The following WDFY4 variants were observed in gnomAD, a reference collection of about 807,000 sequenced individuals.
The protein encoded by WDFY4 is WD repeat- and FYVE domain-containing protein 4.
In WDFY4, 169 loss-of-function variants were observed where a neutral mutation model predicts 351.9. That is an observed-to-expected ratio of 0.48 (90% CI 0.42 to 0.55). The LOEUF (loss-of-function observed/expected upper bound fraction) is 0.55, where lower values mean the gene tolerates loss of function less well. Among genes scored for constraint, WDFY4 ranks in the 20% least tolerant of loss-of-function variants. WDFY4 has a pLI of 0.00. For synonymous variants in WDFY4, 1,622 were observed against 1,574.6 expected (o/e 1.03, Z -0.71); for missense variants, 3,803 against 3,935.6 (o/e 0.97, Z 0.90).
intron 13 of WDFY4, among the ~76,000 whole-genome samples, chr10:48,765,505 T>C (rs1377610858): frequency 6.6e-6 from 1 of 152,244 alleles, no homozygotes; most frequent in African/African-American, 2.4e-5. Flanking sequence ...ACACACTTGC[T>C]AAATGGTGCA....
At chr10:48,827,148 T>C (rs965669316) in intron 36 of WDFY4, among the ~76,000 whole-genome samples, 1 of 152,152 alleles carries the variant, frequency 6.6e-6, no homozygotes, top group Non-Finnish European at 1.5e-5. Context: ...AATTCTAGGA[T>C]TGTAAGATAA....
intron 1 of WDFY4, among the ~76,000 whole-genome samples, chr10:48,685,909 G>T (rs76405344): frequency 4.0e-5 from 6 of 151,816 alleles, no homozygotes; most frequent in African/African-American, 1.5e-4. Context: ...AGCAGGTAGG[G>T]TGGGGGTCTT....
chr10:48,722,706 A>G (rs553568091), intron 4 of WDFY4, among the ~76,000 whole-genome samples: 143 of 152,320 alleles, frequency 9.4e-4, no homozygotes, highest in African/African-American at 3.2e-3. Flanking sequence ...ATGCACACAC[A>G]CACACGTGCG....
chr10:48,792,923 A>T (rs988982301), intron 23 of WDFY4, among the ~76,000 whole-genome samples: 1 of 152,144 alleles, frequency 6.6e-6, no homozygotes, highest in Non-Finnish European at 1.5e-5. Flanking sequence ...AAATGAGAAC[A>T]TTGCCTTGAG....
At chr10:48,837,682 G>A (rs1424396443) in intron 39 of WDFY4, among the ~76,000 whole-genome samples, 1 of 152,154 alleles carries the variant, frequency 6.6e-6, no homozygotes, top group Non-Finnish European at 1.5e-5. Flanking sequence ...TGGCTCTGTG[G>A]GATTCCACAG....
chr10:48,812,489 C>T (rs921921219), intron 30 of WDFY4, among the ~76,000 whole-genome samples: 5 of 152,074 alleles, frequency 3.3e-5, no homozygotes, highest in Admixed American at 3.3e-4. Context: ...CGCACCCGGC[C>T]CCCTTTCTTC....
At chr10:48,694,407 C>T (rs2063276631) in intron 1 of WDFY4, among the ~76,000 whole-genome samples, 1 of 152,126 alleles carries the variant, frequency 6.6e-6, no homozygotes, top group Non-Finnish European at 1.5e-5. Flanking sequence ...CTTATTTCTA[C>T]TTCCCTCCTA....
chr10:48,820,546 G>A (rs1565236177), intron 33 of WDFY4, 109 bp downstream of exon 33: 15 of 1,178,546 alleles, frequency 1.3e-5, no homozygotes, highest in South Asian at 1.5e-5. Context: ...GGGCCACAGC[G>A]AGTGAAGGGG....
intron 40 of WDFY4, among the ~76,000 whole-genome samples, chr10:48,869,027 G>T (rs1459314865): frequency 6.6e-6 from 1 of 152,154 alleles, no homozygotes; most frequent in Non-Finnish European, 1.5e-5. Context: ...AGGTATTTTT[G>T]AGAAAATCAG....
intron 13 of WDFY4, among the ~76,000 whole-genome samples, chr10:48,770,094 C>T (rs866898586): frequency 9.2e-5 from 14 of 152,148 alleles, no homozygotes; most frequent in African/African-American, 2.9e-4. Flanking sequence ...CTGGAACTAA[C>T]GTTGAAAAAA....
chr10:48,786,717 G>A lies in WDFY4; in HGVS notation c.3655G>A (p.Ala1219Thr). 2 of 1,552,202 alleles carry A rather than the reference G, an allele frequency of 1.3e-6. No homozygotes were observed. Among genetic ancestry groups the A allele is most frequent in the Non-Finnish European group, 1.7e-6 (2 of 1,147,114 alleles). ...ATTTGTGGATGTTTATGGATATATT[G>A]CTACTCCTCGAGTCTGGAAACAAAA... ...SAFVDVYGYI[A>T]TPRVWKQKSS... The change falls in exon 20 of 62, where the codon GCT becomes ACT. Residue 1219 changes from alanine (A) to threonine (T), a missense_variant. Around this residue, in one of 3 missense-constraint regions of WDFY4, gnomAD observed 3,054 missense variants for 3,148.6 expected, o/e 0.97. Coordinates refer to ENST00000325239, the MANE Select transcript of WDFY4 (RefSeq NM_001394531.1).
intron 1 of WDFY4, among the ~76,000 whole-genome samples, chr10:48,701,923 T>A (rs2063490684): frequency 6.6e-6 from 1 of 152,230 alleles, no homozygotes; most frequent in Non-Finnish European, 1.5e-5. Context: ...CCATCCCCAC[T>A]GTACAGGATA....
chr10:48,803,116 A>G (rs1044100702), intron 24 of WDFY4, among the ~76,000 whole-genome samples, 170 bp from the exon 25 acceptor site: 2 of 152,100 alleles, frequency 1.3e-5, no homozygotes, highest in African/African-American at 4.8e-5. Flanking sequence ...CAGGGGAGGC[A>G]CCTCTCTGCT....
chr10:48,744,310 A>G (rs2064945416), intron 12 of WDFY4, among the ~76,000 whole-genome samples: 1 of 152,178 alleles, frequency 6.6e-6, no homozygotes, highest in South Asian at 2.1e-4. Flanking sequence ...AAGACACTGC[A>G]TTTTTATCCA....
chr10:48,818,976 G>T (rs1203615969), intron 32 of WDFY4, among the ~76,000 whole-genome samples: 1 of 152,164 alleles, frequency 6.6e-6, no homozygotes, highest in Non-Finnish European at 1.5e-5. Context: ...GGGTCCAGCG[G>T]CCTAACATTC....
Position 48,832,611 on chromosome 10 carries a change from G to A in WDFY4, c.6565G>A (p.Ala2189Thr). The A allele has an allele frequency of 6.5e-7, 1 of 1,550,300 alleles. No homozygotes were observed. The highest frequency in any genetic ancestry group is 1.2e-5 in the South Asian group (1 of 83,482). ...GTCACTGGCAAGTCGTTCAAATGTT[G>A]CACACCACAGCAAAGTCACTTTGTG... The part of the protein sequence containing the change: ...KKSLASRSNV[A>T]HHSKVTLWSG... Residue 2189 changes from alanine to threonine, a missense_variant, in exon 39 of 62, where the codon GCA becomes ACA. By Grantham distance (58) the Ala-to-Thr change is moderately conservative. Around this residue, in one of 3 missense-constraint regions of WDFY4, gnomAD observed 3,054 missense variants for 3,148.6 expected, o/e 0.97. Coordinates refer to ENST00000325239, the MANE Select transcript of WDFY4 (RefSeq NM_001394531.1).
At chr10:48,900,517 C>T (rs1837300504) in intron 46 of WDFY4, among the ~76,000 whole-genome samples, 1 of 152,198 alleles carries the variant, frequency 6.6e-6, no homozygotes, top group Non-Finnish European at 1.5e-5. Context: ...TCCTTCAGTC[C>T]TAGGAAGCAG....
intron 2 of WDFY4, 137 bp from the exon 3 acceptor site, chr10:48,719,874 C>CT (rs1565125865): frequency 1.4e-6 from 1 of 690,530 alleles, no homozygotes; most frequent in Non-Finnish European, 2.5e-6. Flanking sequence ...GGGTGGGTGA[C>CT]GTGGTGGCCT....
chr10:48,971,363 G>T (rs1479919246), intron 57 of WDFY4, among the ~76,000 whole-genome samples: 1 of 152,080 alleles, frequency 6.6e-6, no homozygotes, highest in African/African-American at 2.4e-5. Flanking sequence ...AGGCGTGGTG[G>T]TGGGTGCCTG....
Sources: allele counts gnomAD v4.1 joint callset (sites outside exome capture counted in the v4.1 genomes callset), GRCh38; gene constraint gnomAD v4.1.1; regional missense constraint gnomAD v4.1.1; transcripts MANE v1.5; gene names NCBI Gene and HGNC (gene_info 2026-07-23, HGNC 2026-07-21).